GON4L: variants seen among roughly 807,000 people sequenced by gnomAD.
GON4L encodes gon-4 like, also known as GON-4-like protein.
A neutral mutation model predicts 211.8 loss-of-function variants in GON4L; 87 were observed. The ratio of observed to expected loss-of-function variants is 0.41; its 90% CI spans 0.35 to 0.49. GON4L has a LOEUF of 0.49. Among genes scored for constraint, GON4L ranks in the 20% least tolerant of loss-of-function variants. The pLI, the probability that GON4L is intolerant of heterozygous loss-of-function variation, is 0.15. For missense variants in GON4L, 2,155 were observed against 2,659.5 expected, an observed-to-expected ratio of 0.81 and a Z score of 4.17; for synonymous variants, 875 against 962.6, an observed-to-expected ratio of 0.91 and a Z score of 1.68.
intron 11 of GON4L, among the ~76,000 whole-genome samples, chr1:155,796,835 A>G (rs946922716): frequency 3.3e-5 from 5 of 152,160 alleles, no homozygotes; most frequent in African/African-American, 9.7e-5. Flanking sequence ...ATTTAAAAAA[A>G]AAAAGACCAA....
intron 11 of GON4L, among the ~76,000 whole-genome samples, chr1:155,801,616 C>T (rs1044678973): frequency 4.1e-5 from 6 of 147,998 alleles, no homozygotes; most frequent in African/African-American, 7.4e-5. Flanking sequence ...GGTGCGGTGG[C>T]TCATGCCTGT....
chr1:155,774,974 A>G (rs540693061), intron 17 of GON4L, 28 bp downstream of exon 17: 12 of 1,604,708 alleles, frequency 7.5e-6, no homozygotes, highest in Admixed American at 1.7e-5. Context: ...GCAAGTAAAA[A>G]CTTAAAGCTG....
At chr1:155,825,909 G>A (rs539390750) in intron 3 of GON4L, among the ~76,000 whole-genome samples, 3 of 152,144 alleles carry the variant, frequency 2.0e-5, no homozygotes, top group Admixed American at 6.5e-5. Context: ...TGGGCATGAT[G>A]GCAGGTGCCT....
intron 2 of GON4L, among the ~76,000 whole-genome samples, chr1:155,832,279 C>CAAAAAAAAAAA (rs71080731): frequency 1.7e-5 from 1 of 57,362 alleles, no homozygotes; most frequent in African/African-American, 7.0e-5. Context: ...GACTCCGTCT[C>CAAAAAAAAAAA]AAAAAAAAAA....
At chr1:155,758,435 A>T (rs1411187234) in intron 24 of GON4L, among the ~76,000 whole-genome samples, 1 of 152,218 alleles carries the variant, frequency 6.6e-6, no homozygotes, top group Non-Finnish European at 1.5e-5. Context: ...TAAGGCCAGG[A>T]GTTCAAGAAC....
At chr1:155,767,352 G>A in intron 20 of GON4L, 73 bp downstream of exon 20, 2 of 1,613,900 alleles carry the variant, frequency 1.2e-6, no homozygotes, top group Middle Eastern at 1.7e-4. Flanking sequence ...GACGATTAAG[G>A]AAGCCCTTGA....
chr1:155,746,046 G>A, downstream of GON4L: 2 of 779,952 alleles, frequency 2.6e-6, no homozygotes, highest in Non-Finnish European at 4.1e-6. Flanking sequence ...AGGAGCCCCC[G>A]GGAGAGCTGT....
chr1:155,806,519 T>C (rs1667144851), intron 10 of GON4L, among the ~76,000 whole-genome samples: 1 of 152,054 alleles, frequency 6.6e-6, no homozygotes, highest in African/African-American at 2.4e-5. Flanking sequence ...TTCAAACTCC[T>C]GGACTGGGCT....
intron 18 of GON4L, 65 bp from the exon 19 acceptor site, chr1:155,771,282 C>T (rs1663165858): frequency 6.2e-7 from 1 of 1,601,884 alleles, no homozygotes; most frequent in Admixed American, 1.7e-5. Flanking sequence ...TCTCCCCAGA[C>T]TAACACATTT....
upstream of GON4L, chr1:155,857,287 T>A (rs901675132): frequency 6.6e-6 from 1 of 152,370 alleles, no homozygotes; most frequent in Non-Finnish European, 1.5e-5. Context: ...CGCCTAACAC[T>A]ATGCGCCATC....
At chr1:155,773,551 G>C (rs1372629324) in intron 17 of GON4L, 1 of 257,858 alleles carries the variant, frequency 3.9e-6, no homozygotes, top group Non-Finnish European at 7.6e-6. Flanking sequence ...TTAAATACTT[G>C]AAGGATAAGA....
chr1:155,787,650 G>C (rs1195599374), intron 12 of GON4L, among the ~76,000 whole-genome samples: 1 of 152,164 alleles, frequency 6.6e-6, no homozygotes, highest in Non-Finnish European at 1.5e-5. Flanking sequence ...GCATGCACCT[G>C]GAATCCCAGC....
rs1571690293 is a variant in GON4L, at chr1:155,772,917, G to C, written c.2495+149C>G. On this transcript the variant is annotated intron_variant, in intron 18 of 31. Transcript: ENST00000368331. ...GCACTGCTAGAACAAGCACGTCCTA[G>C]AGGGCTCTGCTCATCTATATTGCTT... 7.1e-6 allele frequency: 7 copies of C among 990,218 alleles called. No individual in the cohort carries two copies. In the East Asian group the frequency reaches 1.7e-4, roughly 24 times the overall value. 61.3% of individuals were successfully genotyped at this position (990,218 alleles called of 1,614,324 possible).
intron 2 of GON4L, chr1:155,846,263 C>G (rs1353144387): frequency 5.2e-6 from 1 of 191,982 alleles, no homozygotes; most frequent in African/African-American, 2.3e-5. Context: ...TGGCTCACGC[C>G]TGTAATCTCA....
intron 12 of GON4L, among the ~76,000 whole-genome samples, chr1:155,786,035 G>A (rs1344807249): frequency 6.6e-6 from 1 of 152,068 alleles, no homozygotes; most frequent in Non-Finnish European, 1.5e-5. Flanking sequence ...GGCAGGGCTT[G>A]CAGTGAGCCA....
rs1002446004 is a variant in GON4L at position 155,766,344 on chromosome 1, T to C, written c.3129A>G (p.Ile1043Met). Reference sequence around the variant, plus strand: ...CTGTCTGTAAAACAGTGGCTGGCTGTATTGGGTGAGGAATCCGGAGCACCA... The same window carrying C: ...CTGTCTGTAAAACAGTGGCTGGCTGCATTGGGTGAGGAATCCGGAGCACCA... The part of the protein sequence containing the change: ...SKMVLRIPHP[I>M]QPATVLQTVP... Residue 1043 changes from isoleucine (I) to methionine (M), a missense_variant, in exon 21 of 32, where the codon ATA (isoleucine) becomes ATG (methionine). Ile to Met is a conservative substitution (Grantham distance 10, BLOSUM62 1). Coordinates refer to ENST00000368331, the MANE Select transcript of GON4L (RefSeq NM_001282860.2). 3 of 1,614,030 alleles carry C rather than the reference T, an allele frequency of 1.9e-6. No homozygotes were observed. Among genetic ancestry groups the C allele is most frequent in the Non-Finnish European group, 2.5e-6 (3 of 1,179,994 alleles).
chr1:155,846,529 A>G (rs1671267972), intron 2 of GON4L: 1 of 151,902 alleles, frequency 6.6e-6, no homozygotes, highest in Admixed American at 6.6e-5. Flanking sequence ...TCACCAAAAA[A>G]AAAAAAAAAG....
intron 24 of GON4L, among the ~76,000 whole-genome samples, chr1:155,759,305 C>T (rs1360096341): frequency 1.3e-5 from 2 of 152,160 alleles, no homozygotes; most frequent in African/African-American, 2.4e-5. Context: ...AGTGTGGTGG[C>T]TCACACCTGT....
At chr1:155,855,036 C>CAAA (rs1194347404) in intron 1 of GON4L, among the ~76,000 whole-genome samples, 1 of 92,280 alleles carries the variant, frequency 1.1e-5, no homozygotes, top group African/African-American at 4.0e-5. Flanking sequence ...AACTCCATCT[C>CAAA]AAAAAAAAAA....
Sources: allele counts gnomAD v4.1 joint callset (sites outside exome capture counted in the v4.1 genomes callset), GRCh38; gene constraint gnomAD v4.1.1; transcripts MANE v1.5; gene names NCBI Gene and HGNC (gene_info 2026-07-23, HGNC 2026-07-21).